Variants in CHRM2 observed in about 807,000 individuals in gnomAD.
CHRM2 encodes the protein muscarinic acetylcholine receptor M2.
A neutral mutation model predicts 25.0 loss-of-function variants in CHRM2; 8 were observed. The ratio of observed to expected loss-of-function variants is 0.32; its 90% CI spans 0.19 to 0.58. CHRM2 has a LOEUF of 0.58. Ranked by LOEUF, CHRM2 falls within the 20% of genes least tolerant of loss-of-function variation. The pLI, the probability that CHRM2 is intolerant of heterozygous loss-of-function variation, is 0.88. For synonymous variants in CHRM2, 202 were observed against 205.7 expected (o/e 0.98, Z 0.15); for missense variants, 440 against 567.1 (o/e 0.78, Z 2.28).
At position 137,019,583 on chromosome 7, in the gene CHRM2, T is replaced by C. The variant is rs927650277; in HGVS notation, c.*3317T>C. On this transcript the variant is annotated 3_prime_UTR_variant, in exon 4 of 4. Coordinates refer to ENST00000680005, the MANE Select transcript of CHRM2 (RefSeq NM_001006630.2). Reference sequence around the variant, plus strand: ...TGTAAGGTCTTTGTTTTTTCTCTCCTCATAGCAATAATGTAGCTATCCCAG... The same window carrying C: ...TGTAAGGTCTTTGTTTTTTCTCTCCCCATAGCAATAATGTAGCTATCCCAG... 1 of 151,904 alleles carries C rather than the reference T, an allele frequency of 6.6e-6. No homozygotes were observed. Among genetic ancestry groups the C allele is most frequent in the African/African-American group, 2.4e-5 (1 of 41,416 alleles). The allele number at this position is 151,904 out of a possible 1,614,324, so 9.4% of individuals were successfully genotyped here. A position where few individuals can be genotyped will look rare whatever the true frequency, so the allele number is the denominator to read the frequency against.
chr7:136,948,509 G>C (rs1398003515), intron 2 of CHRM2, among the ~76,000 whole-genome samples: 1 of 152,148 alleles, frequency 6.6e-6, no homozygotes, highest in African/African-American at 2.4e-5. Flanking sequence ...TGGGTTAACT[G>C]TGAGGACATT....
At chr7:136,974,323 GAGAC>G (rs1414901346) in intron 2 of CHRM2, among the ~76,000 whole-genome samples, 1 of 152,098 alleles carries the variant, frequency 6.6e-6, no homozygotes, top group Non-Finnish European at 1.5e-5. Context: ...CTAAGCAGAG[GAGAC>G]ACAGTGCTTA....
At chr7:136,919,939 T>C (rs967650369) in intron 2 of CHRM2, among the ~76,000 whole-genome samples, 5 of 152,144 alleles carry the variant, frequency 3.3e-5, no homozygotes, top group African/African-American at 1.2e-4. Context: ...GGTGACGTGG[T>C]CTTTTTTTTC....
chr7:136,953,272 G>A (rs1197481738), intron 2 of CHRM2, among the ~76,000 whole-genome samples: 1 of 151,992 alleles, frequency 6.6e-6, no homozygotes, highest in Non-Finnish European at 1.5e-5. Flanking sequence ...GCATCTAAGT[G>A]CCCCACTACC....
intron 2 of CHRM2, among the ~76,000 whole-genome samples, chr7:136,890,256 G>A (rs962548405): frequency 2.6e-5 from 4 of 152,092 alleles, no homozygotes; most frequent in Admixed American, 6.5e-5. Context: ...AAGGAAAGGC[G>A]TGGGCACATG....
intron 2 of CHRM2, among the ~76,000 whole-genome samples, chr7:136,978,476 A>G (rs1225980262): frequency 6.6e-6 from 1 of 152,088 alleles, no homozygotes; most frequent in Non-Finnish European, 1.5e-5. Context: ...TTGTACTTTA[A>G]GTTTTGGGAT....
intron 3 of CHRM2, among the ~76,000 whole-genome samples, chr7:137,008,916 T>C (rs950130460): frequency 1.1e-4 from 16 of 152,066 alleles, no homozygotes; most frequent in African/African-American, 2.2e-4. Flanking sequence ...TGTAATATTG[T>C]GGAAATGACA....
intron 2 of CHRM2, among the ~76,000 whole-genome samples, chr7:136,968,075 A>T (rs1342332463): frequency 1.3e-5 from 2 of 152,030 alleles, no homozygotes; most frequent in African/African-American, 4.8e-5. Context: ...GATTGTATGT[A>T]TTTATGTCAT....
intron 3 of CHRM2, among the ~76,000 whole-genome samples, chr7:137,012,063 T>C (rs1351224560): frequency 6.6e-6 from 1 of 152,016 alleles, no homozygotes; most frequent in Non-Finnish European, 1.5e-5. Flanking sequence ...AGAATATAAG[T>C]CCTATGCTTT....
intron 2 of CHRM2, among the ~76,000 whole-genome samples, chr7:136,873,696 T>C (rs1195196774): frequency 1.3e-5 from 2 of 152,192 alleles, no homozygotes; most frequent in East Asian, 1.9e-4. Context: ...TCGCTATAAA[T>C]AGTTGTGGCA....
intron 2 of CHRM2, among the ~76,000 whole-genome samples, chr7:136,904,102 G>A (rs1797394411): frequency 6.6e-6 from 1 of 151,758 alleles, no homozygotes; most frequent in African/African-American, 2.4e-5. Flanking sequence ...TGAGTTAAAA[G>A]TTTGTTTTTT....
At chr7:136,962,952 T>A (rs1801190696) in intron 2 of CHRM2, among the ~76,000 whole-genome samples, 1 of 152,208 alleles carries the variant, frequency 6.6e-6, no homozygotes, top group African/African-American at 2.4e-5. Context: ...TACCCACTTG[T>A]AGGAAAATTA....
At chr7:136,992,830 C>G (rs925527926) in intron 3 of CHRM2, among the ~76,000 whole-genome samples, 1 of 152,108 alleles carries the variant, frequency 6.6e-6, no homozygotes, top group Non-Finnish European at 1.5e-5. Context: ...GGCAGGCCAG[C>G]AGGCTACAAA....
chr7:136,981,216 T>A (rs1027450106), intron 2 of CHRM2, among the ~76,000 whole-genome samples: 3 of 152,218 alleles, frequency 2.0e-5, no homozygotes, highest in African/African-American at 7.2e-5. Context: ...CTAGATTTTT[T>A]AATTTATTTG....
chr7:136,932,649 G>A (rs1438105623), intron 2 of CHRM2, among the ~76,000 whole-genome samples: 3 of 152,118 alleles, frequency 2.0e-5, no homozygotes, highest in Non-Finnish European at 2.9e-5. Flanking sequence ...ATAAATATGG[G>A]AGTTAAAATT....
chr7:136,903,105 G>A, intron 2 of CHRM2: 2 of 532,776 alleles, frequency 3.8e-6, no homozygotes, highest in South Asian at 1.4e-5. Flanking sequence ...ATTTGGGCTA[G>A]TGTAGGTGTA....
intron 2 of CHRM2, among the ~76,000 whole-genome samples, chr7:136,922,728 T>C (rs1322606130): frequency 6.6e-6 from 1 of 152,204 alleles, no homozygotes; most frequent in Non-Finnish European, 1.5e-5. Flanking sequence ...ATTCCTGGAC[T>C]CTTTCCTGAG....
chr7:136,955,126 G>A (rs1800645867), intron 2 of CHRM2, among the ~76,000 whole-genome samples: 2 of 152,116 alleles, frequency 1.3e-5, no homozygotes, highest in Non-Finnish European at 2.9e-5. Context: ...AAAAGTTCGT[G>A]TTTTCTTTCA....
At chr7:136,930,756 T>C (rs10447877) in intron 2 of CHRM2, among the ~76,000 whole-genome samples, 4 of 151,064 alleles carry the variant, frequency 2.6e-5, no homozygotes, top group East Asian at 1.9e-4. Context: ...AATCAGCCAG[T>C]TGTGGTGGCG....
Sources: gnomAD v4.1 joint callset for allele counts (sites outside exome capture counted in the v4.1 genomes callset) on GRCh38, gnomAD v4.1.1 for gene constraint, MANE v1.5 for transcripts, NCBI Gene and HGNC (gene_info 2026-07-23, HGNC 2026-07-21) for gene names.